The following AKAP19 variants were observed in gnomAD, a reference collection of about 807,000 sequenced individuals.
AKAP19 encodes the protein A-kinase anchoring protein 19, also known as small A-kinase anchoring protein.
the AKAP19 span, among the ~76,000 whole-genome samples, chr2:190,106,166 A>G: frequency 6.6e-6 from 1 of 152,254 alleles, no homozygotes; most frequent in Non-Finnish European, 1.5e-5. Flanking sequence ...GAAAGTATAG[A>G]TACATCAACA....
chr2:190,110,534 G>A, the AKAP19 span, among the ~76,000 whole-genome samples: 1 of 152,194 alleles, frequency 6.6e-6, no homozygotes, highest in Admixed American at 6.5e-5. Flanking sequence ...CTGCTCAGAT[G>A]TAAGGTGAAA....
chr2:190,192,165 AG>A, the AKAP19 span, among the ~76,000 whole-genome samples: 11 of 151,876 alleles, frequency 7.2e-5, no homozygotes, highest in Non-Finnish European at 1.3e-4. Flanking sequence ...GTGGGGGGAG[AG>A]TATGTGAATG....
chr2:190,033,356 A>G, the AKAP19 span, among the ~76,000 whole-genome samples: 1 of 152,224 alleles, frequency 6.6e-6, no homozygotes, highest in Non-Finnish European at 1.5e-5. Context: ...AATGCTAAGG[A>G]AAGTCTGAAA....
At chr2:190,097,316 C>G in the AKAP19 span, among the ~76,000 whole-genome samples, 1 of 152,076 alleles carries the variant, frequency 6.6e-6, no homozygotes, top group Non-Finnish European at 1.5e-5. Context: ...TCAGTGAGAA[C>G]ATACAGTGTT....
chr2:190,181,199 G>A, the AKAP19 span: 2 of 967,684 alleles, frequency 2.1e-6, no homozygotes, highest in Non-Finnish European at 2.5e-6. Flanking sequence ...ATTTTTCAAT[G>A]GCAGAAACCC....
chr2:190,176,657 T>G, the AKAP19 span, among the ~76,000 whole-genome samples: 1 of 152,214 alleles, frequency 6.6e-6, no homozygotes, highest in Non-Finnish European at 1.5e-5. The surrounding 1 kb of genome is among the most constrained non-coding windows in gnomAD (Gnocchi z 4.7). Flanking sequence ...CAAGACATCA[T>G]TTTCATACCC....
At chr2:190,069,130 AT>A in the AKAP19 span, among the ~76,000 whole-genome samples, 3,486 of 117,152 alleles carry the variant, frequency 0.03, 162 homozygotes, top group African/African-American at 0.11. Context: ...GTGTGTGTGC[AT>A]GCATATGTGT....
chr2:189,930,929 C>T, the AKAP19 span: 1 of 717,158 alleles, frequency 1.4e-6, no homozygotes, highest in Non-Finnish European at 2.5e-6. Flanking sequence ...TTAGTTCCCT[C>T]GCTAAAGCTA....
At chr2:189,926,655 ACTGCAAGCT>A in the AKAP19 span, among the ~76,000 whole-genome samples, 3 of 126,538 alleles carry the variant, frequency 2.4e-5, no homozygotes, top group African/African-American at 3.2e-5. Flanking sequence ...ATCTCGGCTC[ACTGCAAGCT>A]CTGCCTCCCA....
the AKAP19 span, among the ~76,000 whole-genome samples, chr2:189,948,774 T>C: frequency 6.6e-6 from 1 of 152,250 alleles, no homozygotes; most frequent in African/African-American, 2.4e-5. Flanking sequence ...TTATTTGTGG[T>C]ACTTTTTTCC....
At chr2:189,994,755 C>G in the AKAP19 span, among the ~76,000 whole-genome samples, 1 of 151,970 alleles carries the variant, frequency 6.6e-6, no homozygotes, top group Admixed American at 6.6e-5. Context: ...TGTGCCACCA[C>G]ACCCAGCTAA....
chr2:190,043,655 C>G, the AKAP19 span, among the ~76,000 whole-genome samples: 1 of 152,136 alleles, frequency 6.6e-6, no homozygotes, highest in African/African-American at 2.4e-5. Flanking sequence ...TCTCAGTGAT[C>G]TTTTTTCCTA....
At chr2:190,197,843 CAG>C in the AKAP19 span, among the ~76,000 whole-genome samples, 1 of 152,194 alleles carries the variant, frequency 6.6e-6, no homozygotes, top group African/African-American at 2.4e-5. The surrounding 1 kb of genome is among the most constrained non-coding windows in gnomAD (Gnocchi z 4.0). Context: ...TCTTAAAAAA[CAG>C]AATATTCTGA....
the AKAP19 span, among the ~76,000 whole-genome samples, chr2:189,907,184 T>C: frequency 6.6e-6 from 1 of 152,168 alleles, no homozygotes; most frequent in Non-Finnish European, 1.5e-5. Flanking sequence ...CACAGTGAAA[T>C]CCATAGTCCT....
At chr2:190,081,682 G>A in the AKAP19 span, among the ~76,000 whole-genome samples, 1 of 152,076 alleles carries the variant, frequency 6.6e-6, no homozygotes, top group African/African-American at 2.4e-5. Context: ...CTCCCCTATA[G>A]ATGGAAGGGC....
At chr2:190,027,547 C>A in the AKAP19 span, among the ~76,000 whole-genome samples, 1 of 152,140 alleles carries the variant, frequency 6.6e-6, no homozygotes, top group Non-Finnish European at 1.5e-5. Context: ...TCAGTGTGAC[C>A]TTTATGGCAG....
chr2:190,095,777 T>C, the AKAP19 span, among the ~76,000 whole-genome samples: 2 of 152,200 alleles, frequency 1.3e-5, no homozygotes, highest in Non-Finnish European at 2.9e-5. Context: ...ATATATGATA[T>C]ACACAAAGGA....
the AKAP19 span, chr2:190,062,627 GTTC>G: frequency 6.2e-7 from 1 of 1,600,186 alleles, no homozygotes; most frequent in Non-Finnish European, 8.5e-7. Context: ...CTTTTTTCTT[GTTC>G]TTGTTTCTTC....
At chr2:190,080,939 C>T in the AKAP19 span, among the ~76,000 whole-genome samples, 1 of 152,126 alleles carries the variant, frequency 6.6e-6, no homozygotes, top group Non-Finnish European at 1.5e-5. Context: ...CCTGGCTTCC[C>T]CCTGTGTTCT....
Sources: gnomAD v4.1 joint callset for allele counts (sites outside exome capture counted in the v4.1 genomes callset) on GRCh38, gnomAD v4.1.1 for gene constraint, Gnocchi (gnomAD v3.1) non-coding constraint, MANE v1.5 for transcripts, NCBI Gene and HGNC (gene_info 2026-07-23, HGNC 2026-07-21) for gene names.